FAM13B: variants seen among roughly 807,000 people sequenced by gnomAD.
FAM13B encodes the protein protein FAM13B.
Under a neutral mutation model 117.3 loss-of-function variants are expected in FAM13B, and 60 were observed. That is an observed-to-expected ratio of 0.51 (90% CI 0.42 to 0.63). The LOEUF is 0.63. Among genes scored for constraint, FAM13B ranks in the 30% least tolerant of loss-of-function variants. FAM13B has a pLI of 0.00. For synonymous variants in FAM13B, 332 were observed against 356.1 expected (o/e 0.93, Z 0.76); for missense variants, 972 against 1,091.9 (o/e 0.89, Z 1.55).
At chr5:137,949,328 A>T in intron 17 of FAM13B, 144 bp from the exon 18 acceptor site, 1 of 661,032 alleles carries the variant, frequency 1.5e-6, no homozygotes, top group Non-Finnish European at 2.6e-6. Context: ...ACATTTAAGA[A>T]GCAAAAAACA....
At chr5:137,963,812 T>A (rs768343328) in intron 10 of FAM13B, among the ~76,000 whole-genome samples, 1 of 152,180 alleles carries the variant, frequency 6.6e-6, no homozygotes, top group African/African-American at 2.4e-5. Context: ...TTGTGAGCTG[T>A]GCAAACAAGG....
chr5:137,960,015 T>G, intron 12 of FAM13B, 151 bp downstream of exon 12: 1 of 676,444 alleles, frequency 1.5e-6, no homozygotes, highest in South Asian at 1.9e-5. Context: ...TAACCAAAAG[T>G]GGCAAATTAA....
intron 18 of FAM13B, among the ~76,000 whole-genome samples, chr5:137,947,334 T>C (rs1162086473): frequency 6.6e-6 from 1 of 152,174 alleles, no homozygotes; most frequent in East Asian, 1.9e-4. Flanking sequence ...GATAGCTGAG[T>C]GTAGTCTGTC....
chr5:137,961,819 TCTTA>T (rs2150303954), intron 11 of FAM13B, among the ~76,000 whole-genome samples: 1 of 152,260 alleles, frequency 6.6e-6, no homozygotes, highest in East Asian at 1.9e-4. Flanking sequence ...AGAACCCAAA[TCTTA>T]CTCTGTGATT....
intron 6 of FAM13B, 29 bp downstream of exon 6, chr5:138,010,979 A>AC (rs1554079506): frequency 6.8e-7 from 1 of 1,470,838 alleles, no homozygotes; most frequent in Non-Finnish European, 8.9e-7. Flanking sequence ...AAAAAAAAAA[A>AC]ATTATCCCTC....
chr5:137,979,203 C>T (rs919533419), intron 10 of FAM13B, among the ~76,000 whole-genome samples: 1 of 151,734 alleles, frequency 6.6e-6, no homozygotes, highest in African/African-American at 2.4e-5. Flanking sequence ...AGTAGAGATG[C>T]GTTTTCACCA....
intron 7 of FAM13B, among the ~76,000 whole-genome samples, chr5:137,988,640 T>C (rs1052549926): frequency 2.6e-5 from 4 of 152,224 alleles, no homozygotes; most frequent in African/African-American, 9.6e-5. Context: ...GTTACAATTA[T>C]TTCCCCCTTT....
chr5:138,026,469 G>C lies in FAM13B; in HGVS notation c.-202-5272C>G, dbSNP rs552032476. 4.0e-5 allele frequency among the ~76,000 whole-genome samples: 6 copies of C among 149,404 alleles called. No homozygotes were observed. The South Asian group carries it at 1.3e-3, about 32-fold the overall frequency. On this transcript the variant is annotated intron_variant, in intron 1 of 23. Transcript: ENST00000689681. ...GGCAAAACCCCGTTTCTACAAAAAAGTACAAAAATTAGCTGGGCATGATGT... is the reference window on the plus strand; with the variant it reads ...GGCAAAACCCCGTTTCTACAAAAAACTACAAAAATTAGCTGGGCATGATGT...
At chr5:137,971,808 C>T (rs1182380478) in intron 10 of FAM13B, among the ~76,000 whole-genome samples, 1 of 151,586 alleles carries the variant, frequency 6.6e-6, no homozygotes, top group Non-Finnish European at 1.5e-5. Flanking sequence ...GAAATACAAA[C>T]TACCATCAGA....
At chr5:138,044,446 G>A (rs936616907) in intron 1 of FAM13B, among the ~76,000 whole-genome samples, 1 of 151,944 alleles carries the variant, frequency 6.6e-6, no homozygotes, top group African/African-American at 2.4e-5. Context: ...CAGCTACTCA[G>A]GAGGCTGAGG....
rs1438554139 is a variant in FAM13B, at chr5:138,011,065, A to T, written c.633T>A (p.Phe211Leu). The T allele has an allele frequency of 6.2e-7, 1 of 1,610,554 alleles. No homozygotes were observed. Residue 211 changes from phenylalanine (F) to leucine (L), a missense_variant, in exon 6 of 24, where the codon TTT becomes TTA. Transcript: ENST00000689681. ...AAAAATCTTCCTCTTCATTCTCAAA[A>T]AACTCATAGTAGTTTTCCAGAAGTC... ...MAGLLENYYE[F>L]FENEEEDFSS...
At chr5:137,976,102 G>C (rs1022253422) in intron 10 of FAM13B, among the ~76,000 whole-genome samples, 3 of 150,602 alleles carry the variant, frequency 2.0e-5, no homozygotes, top group Non-Finnish European at 4.4e-5. Context: ...GACTACAGGC[G>C]CCTGCCACCA....
At position 138,019,107 on chromosome 5, in the gene FAM13B, C is replaced by T. The variant is rs758125234; in HGVS notation, c.5G>A (p.Arg2Lys). Reference sequence around the variant, plus strand: ...ACTCAAGGAAGGGGAGGAGCTCTTCCTCATATCTTTTTTGCAGCCAGAAAT... The same window carrying T: ...ACTCAAGGAAGGGGAGGAGCTCTTCTTCATATCTTTTTTGCAGCCAGAAAT... M[R>K]KSSSPSLSNC... Residue 2 changes from arginine (R) to lysine (K), a missense_variant, in exon 3 of 24, where the codon AGG (arginine) becomes AAG (lysine). By Grantham distance (26) the Arg-to-Lys change is conservative. Transcript: ENST00000689681. 6.2e-7 allele frequency: 1 copy of T among 1,612,548 alleles called. No individual in the cohort carries two copies. The highest frequency in any genetic ancestry group is 1.1e-5 in the South Asian group (1 of 90,890).
chr5:138,003,054 C>T (rs11242410), intron 7 of FAM13B, among the ~76,000 whole-genome samples: 112,063 of 151,750 alleles, frequency 0.74, 42,030 homozygotes, highest in East Asian at 0.97. Flanking sequence ...TATGAAATGG[C>T]ATGCATTTTT....
intron 1 of FAM13B, among the ~76,000 whole-genome samples, chr5:138,032,116 A>T (rs1340941280): frequency 6.6e-6 from 1 of 152,242 alleles, no homozygotes; most frequent in Admixed American, 6.5e-5. Flanking sequence ...AGGGCTTAAC[A>T]GTTTCCCACT....
In FAM13B at chr5:137,940,120, C is replaced by A; in HGVS notation, c.*105G>T. The A allele has an allele frequency of 6.2e-7, 1 of 1,614,070 alleles. No homozygotes were observed. Among genetic ancestry groups the A allele is most frequent in the Non-Finnish European group, 8.5e-7 (1 of 1,179,954 alleles). On this transcript the variant is annotated 3_prime_UTR_variant, in exon 24 of 24. Transcript: ENST00000689681. The stretch of plus-strand genomic sequence containing the variant: ...CCACAACCAAGTACAAAATGAGATT[C>A]TCTGAGTGCCTGACAAAACGAATTT...
upstream of FAM13B, among the ~76,000 whole-genome samples, chr5:138,034,608 G>T (rs1195713866): frequency 6.6e-6 from 1 of 152,126 alleles, no homozygotes; most frequent in African/African-American, 2.4e-5. Flanking sequence ...TGTTTTATCC[G>T]AATTAATTTC....
At chr5:138,036,133 G>C, upstream of FAM13B, 1 of 338,992 alleles carries the variant, frequency 2.9e-6, no homozygotes, top group South Asian at 2.3e-5. Flanking sequence ...ACCCTAGGGG[G>C]TGCCATTCAC....
chr5:138,014,616 T>A (rs1247128349), intron 4 of FAM13B, among the ~76,000 whole-genome samples: 3 of 152,246 alleles, frequency 2.0e-5, no homozygotes, highest in Non-Finnish European at 2.9e-5. Flanking sequence ...ACACAGCAGA[T>A]GTTCAATAAA....
Sources: gnomAD v4.1 joint callset for allele counts (sites outside exome capture counted in the v4.1 genomes callset) on GRCh38, gnomAD v4.1.1 for gene constraint, MANE v1.5 for transcripts, NCBI Gene and HGNC (gene_info 2026-07-23, HGNC 2026-07-21) for gene names.